Variants in GRIN2A observed in about 807,000 individuals in gnomAD.
The protein encoded by GRIN2A is glutamate ionotropic receptor NMDA type subunit 2A.
GRIN2A carries 22 observed loss-of-function variants against 113.4 expected under a neutral mutation model. The ratio of observed to expected loss-of-function variants is 0.19; its 90% confidence interval spans 0.14 to 0.28. The LOEUF is 0.28. Among genes scored for constraint, GRIN2A ranks in the 10% least tolerant of loss-of-function variants. GRIN2A has a pLI of 1.00. For missense variants in GRIN2A, 1,502 were observed against 1,887.0 expected (o/e 0.80, Z 3.78); for synonymous variants, 827 against 738.4 (o/e 1.12, Z -1.94).
At chr16:9,848,484 G>T (rs2042815455) in intron 5 of GRIN2A, among the ~76,000 whole-genome samples, 1 of 151,016 alleles carries the variant, frequency 6.6e-6, no homozygotes, top group African/African-American at 2.4e-5. Context: ...CCAAAGTGCT[G>T]AGATTATAGA....
chr16:9,893,611 T>C (rs373475106), intron 3 of GRIN2A, among the ~76,000 whole-genome samples: 1 of 152,098 alleles, frequency 6.6e-6, no homozygotes, highest in Non-Finnish European at 1.5e-5. Flanking sequence ...GGGTTACAGG[T>C]GCCCACCACT....
chr16:10,165,821 A>T (rs1448963884), intron 2 of GRIN2A, among the ~76,000 whole-genome samples: 4 of 151,454 alleles, frequency 2.6e-5, no homozygotes, highest in Non-Finnish European at 4.4e-5. Flanking sequence ...GAAAAAGAAG[A>T]GAGGAGAAGA....
At chr16:9,867,525 C>A (rs2043180519) in intron 4 of GRIN2A, among the ~76,000 whole-genome samples, 2 of 152,198 alleles carry the variant, frequency 1.3e-5, no homozygotes, top group African/African-American at 4.8e-5. Context: ...CGCATCCCAG[C>A]CCTTGGGCTC....
chr16:9,864,334 A>G (rs530460528), intron 4 of GRIN2A, among the ~76,000 whole-genome samples: 89 of 152,244 alleles, frequency 5.8e-4, no homozygotes, highest in African/African-American at 2.1e-3. Context: ...ACAGCTGAAA[A>G]AGCCTTTTAT....
intron 2 of GRIN2A, among the ~76,000 whole-genome samples, chr16:10,156,468 G>T (rs973678339): frequency 1.3e-5 from 2 of 152,240 alleles, no homozygotes; most frequent in African/African-American, 2.4e-5. Context: ...TTGACGACAA[G>T]ATGGTTTCTC....
intron 11 of GRIN2A, among the ~76,000 whole-genome samples, chr16:9,779,375 A>G (rs1450577242): frequency 6.6e-6 from 1 of 152,252 alleles, no homozygotes; most frequent in African/African-American, 2.4e-5. Context: ...AGTGTTGTCA[A>G]CAAGTTCCTT....
At chr16:9,990,561 GCGCACACACA>G (rs1382322254) in intron 2 of GRIN2A, among the ~76,000 whole-genome samples, 12,227 of 128,586 alleles carry the variant, frequency 0.095, 668 homozygotes, top group Middle Eastern at 0.16. Flanking sequence ...GCGCGCGCGC[GCGCACACACA>G]CACACACACA....
chr16:10,002,138 A>T (rs2046331530), intron 2 of GRIN2A, among the ~76,000 whole-genome samples: 1 of 152,238 alleles, frequency 6.6e-6, no homozygotes. Context: ...AGATGGCCTC[A>T]TGTATCACAC....
intron 2 of GRIN2A, among the ~76,000 whole-genome samples, chr16:10,167,906 C>G (rs1317218006): frequency 6.6e-6 from 1 of 152,126 alleles, no homozygotes; most frequent in African/African-American, 2.4e-5. Context: ...CTGCCATAAG[C>G]AGATGTTCCA....
At chr16:9,808,038 G>A (rs1455768674) in intron 10 of GRIN2A, among the ~76,000 whole-genome samples, 1 of 152,170 alleles carries the variant, frequency 6.6e-6, no homozygotes, top group Non-Finnish European at 1.5e-5. Context: ...TCTTTATAGA[G>A]CTTCTTAGAT....
chr16:10,017,124 A>T (rs1451142151), intron 2 of GRIN2A, among the ~76,000 whole-genome samples: 2 of 152,196 alleles, frequency 1.3e-5, no homozygotes, highest in Non-Finnish European at 2.9e-5. Context: ...GCAGGTGATC[A>T]AGCCCCAAGT....
chr16:9,952,101 A>C (rs1306538348), intron 2 of GRIN2A, among the ~76,000 whole-genome samples: 1 of 152,194 alleles, frequency 6.6e-6, no homozygotes, highest in African/African-American at 2.4e-5. Context: ...GAGAAAATTA[A>C]GGCTGGAAGT....
chr16:9,803,279 T>A (rs1419965947), intron 10 of GRIN2A, among the ~76,000 whole-genome samples: 1 of 152,050 alleles, frequency 6.6e-6, no homozygotes, highest in Non-Finnish European at 1.5e-5. Context: ...TGGTGGCACA[T>A]GCCTATAATT....
chr16:9,840,813 C>CAAAAAAAAAAAAAAAAAA lies in GRIN2A; in HGVS notation c.1498-31_1498-14dup. 1 of 1,081,298 alleles carries CAAAAAAAAAAAAAAAAAA rather than the reference C, an allele frequency of 9.2e-7. No homozygotes were observed. Among genetic ancestry groups the CAAAAAAAAAAAAAAAAAA allele is most frequent in the Non-Finnish European group, 1.2e-6 (1 of 816,182 alleles). The allele number at this position is 1,081,298 out of a possible 1,614,324, so 67.0% of individuals were successfully genotyped here. On this transcript the variant is annotated splice_polypyrimidine_tract_variant and intron_variant, in intron 6 of 12. Transcript: ENST00000330684. ...GTTGATAGACCACCTGGATGCAAGG[C>CAAAAAAAAAAAAAAAAAA]AAAAAAAAAAAAAAAAAAAAGAGAG...
At position 9,979,785 on chromosome 16, in the gene GRIN2A, C is replaced by CTATATATACATATATATA. The variant is rs2045852868; in HGVS notation, c.415-41235_415-41234insTATATATATGTATATATA. Among the ~76,000 whole-genome samples the CTATATATACATATATATA allele has an allele frequency of 2.5e-5, 3 of 122,344 alleles. No individual in the cohort carries two copies. In the East Asian group the frequency reaches 8.9e-4, roughly 36 times the overall value. The allele number at this position is 122,344 out of a possible 152,430, so 80.3% of individuals were successfully genotyped here. ...TATATACATATAAGGGACTATGGGA[C>CTATATATACATATATATA]TATATATATATATATATATATATAT... On this transcript the variant is annotated intron_variant, in intron 2 of 12. Coordinates refer to ENST00000330684, the MANE Select transcript of GRIN2A (RefSeq NM_001134407.3).
chr16:9,764,014 C>T lies in GRIN2A; in HGVS notation c.3530G>A (p.Gly1177Glu), dbSNP rs745723771. ...MNRNPLHNEE[G>E]LSNNDQYKLY... ...TTTATACTGGTCGTTGTTGGAAAGC[C>T]CCTCTTCATTATGCAAGGGGTTCCG... The change falls in exon 13 of 13, where the codon GGG (glycine) becomes GAG (glutamate). Residue 1177 changes from glycine to glutamate, a missense_variant. Physicochemically the swap from Gly to Glu is moderately conservative, Grantham distance 98 (BLOSUM62 -2). Transcript: ENST00000330684. The T allele has an allele frequency of 3.1e-6, 5 of 1,613,950 alleles. No homozygotes were observed. In the African/African-American group the frequency reaches 6.7e-5, roughly 22 times the overall value.
At chr16:9,962,947 T>A (rs1288111814) in intron 2 of GRIN2A, among the ~76,000 whole-genome samples, 1 of 151,710 alleles carries the variant, frequency 6.6e-6, no homozygotes, top group African/African-American at 2.4e-5. Context: ...AGCCATAAAA[T>A]AGGATGAGTT....
At chr16:10,131,097 C>G (rs1037261593) in intron 2 of GRIN2A, among the ~76,000 whole-genome samples, 5 of 152,200 alleles carry the variant, frequency 3.3e-5, no homozygotes, top group African/African-American at 1.2e-4. Flanking sequence ...ATTTCAAGAG[C>G]TGGCATGATG....
intron 3 of GRIN2A, among the ~76,000 whole-genome samples, chr16:9,916,665 T>G (rs1259450547): frequency 6.6e-6 from 1 of 152,168 alleles, no homozygotes; most frequent in African/African-American, 2.4e-5. Flanking sequence ...GGTCCACTCC[T>G]AGCTCTTTTT....
Sources: gnomAD v4.1 joint callset for allele counts (sites outside exome capture counted in the v4.1 genomes callset) on GRCh38, gnomAD v4.1.1 for gene constraint, MANE v1.5 for transcripts, NCBI Gene and HGNC (gene_info 2026-07-23, HGNC 2026-07-21) for gene names.